The following PCDHB1 variants were observed in gnomAD, a reference collection of about 807,000 sequenced individuals.
PCDHB1 encodes the protein protocadherin beta-1.
Under a neutral mutation model 43.5 loss-of-function variants are expected in PCDHB1, and 44 were observed. The ratio of observed to expected loss-of-function variants is 1.01; its 90% CI spans 0.79 to 1.30. PCDHB1 has a LOEUF of 1.30. PCDHB1 is among the 50% of genes most tolerant of loss of function. The pLI is 0.00. For missense variants in PCDHB1, 919 were observed against 1,008.9 expected, an observed-to-expected ratio of 0.91 and a Z score of 1.21; for synonymous variants, 392 against 400.8, an observed-to-expected ratio of 0.98 and a Z score of 0.26.
rs1554267940 is a variant in PCDHB1, at chr5:141,057,635, A to G, written c.*3708A>G. The stretch of plus-strand genomic sequence containing the variant: ...ACCATCCTTTAAATTTAAAAAATGT[A>G]TCGATTTAATAAAAAATTATTTTGC... On this transcript the variant is annotated 3_prime_UTR_variant, in exon 1 of 1. Transcript: ENST00000306549. 1 of 151,876 alleles carries G rather than the reference A, an allele frequency of 6.6e-6. No homozygotes were observed. The highest frequency in any genetic ancestry group is 2.4e-5 in the African/African-American group (1 of 41,402). 9.4% of individuals were successfully genotyped at this position (151,876 alleles called of 1,614,324 possible).
At position 141,051,845 on chromosome 5, in the gene PCDHB1, T is replaced by C; in HGVS notation, c.375T>C (p.Asp125=). ...QSFRAEVRVF[D]INDNAPVFLN... is the part of the protein sequence containing the mutation. ...TCCGGGCCGAGGTCAGGGTATTTGATATCAATGACAATGCCCCAGTTTTCC... is the reference window on the plus strand; with the variant it reads ...TCCGGGCCGAGGTCAGGGTATTTGACATCAATGACAATGCCCCAGTTTTCC... Residue 125 remains aspartate (D), a synonymous_variant, in exon 1 of 1, where the codon GAT becomes GAC. Transcript: ENST00000306549. 1 of 1,614,166 alleles carries C rather than the reference T, an allele frequency of 6.2e-7. No homozygotes were observed. The highest frequency in any genetic ancestry group is 1.1e-5 in the South Asian group (1 of 91,078).
rs201947645 is a variant in PCDHB1, at chr5:141,051,441, T to C, written c.-30T>C. The stretch of plus-strand genomic sequence containing the variant: ...AAAGTATATCCGCAACAGTTGGCTC[T>C]GATTGCAGAGAGCGCGCTTGTGAGA... On this transcript the variant is annotated 5_prime_UTR_variant, in exon 1 of 1. Coordinates refer to ENST00000306549, the MANE Select transcript of PCDHB1 (RefSeq NM_013340.4). The C allele has an allele frequency of 1.1e-4, 180 of 1,608,978 alleles. No individual in the cohort carries two copies. Among genetic ancestry groups the C allele is most frequent in the Non-Finnish European group, 1.4e-4 (168 of 1,175,948 alleles).
At position 141,053,735 on chromosome 5, in the gene PCDHB1, T is replaced by C. The variant is rs782100367; in HGVS notation, c.2265T>C (p.Tyr755=). 6.2e-7 allele frequency: 1 copy of C among 1,614,234 alleles called. No homozygotes were observed. Among genetic ancestry groups the C allele is most frequent in the Non-Finnish European group, 8.5e-7 (1 of 1,180,026 alleles). Reference sequence around the variant, plus strand: ...GATCCTTATCTCGGCCTTGTCCATATGAAATGTGTTCAGCCACTGGCACTG... The same window carrying C: ...GATCCTTATCTCGGCCTTGTCCATACGAAATGTGTTCAGCCACTGGCACTG... ...GNGSLSRPCP[Y]EMCSATGTGN... The change falls in exon 1 of 1, where the codon TAT becomes TAC. Residue 755 remains tyrosine (Y), a synonymous_variant. Transcript: ENST00000306549.
rs1554267475 is a variant in PCDHB1, at chr5:141,053,517, A to G, written c.2047A>G (p.Lys683Glu). 2 of 1,614,058 alleles carry G rather than the reference A, an allele frequency of 1.2e-6. No individual in the cohort carries two copies. Among genetic ancestry groups the G allele is most frequent in the Non-Finnish European group, 1.7e-6 (2 of 1,180,034 alleles). Reference sequence around the variant, plus strand: ...CCAGGATCCAACCAAGCATTCTAGAAAGGTAAATCCATCCACTAAATATTT... The same window carrying G: ...CCAGGATCCAACCAAGCATTCTAGAGAGGTAAATCCATCCACTAAATATTT... ...QFQDPTKHSR[K>E]VNPSTKYLVI... Residue 683 changes from lysine to glutamate, a missense_variant, in exon 1 of 1, where the codon AAG becomes GAG. Coordinates refer to ENST00000306549, the MANE Select transcript of PCDHB1 (RefSeq NM_013340.4).
Position 141,051,431 on chromosome 5 carries a change from C to G in PCDHB1, c.-40C>G. On this transcript the variant is annotated 5_prime_UTR_variant, in exon 1 of 1. Coordinates refer to ENST00000306549, the MANE Select transcript of PCDHB1 (RefSeq NM_013340.4). ...CAGAAAAGTGAAAGTATATCCGCAA[C>G]AGTTGGCTCTGATTGCAGAGAGCGC... The G allele has an allele frequency of 6.2e-7, 1 of 1,604,070 alleles. No individual in the cohort carries two copies. Among genetic ancestry groups the G allele is most frequent in the South Asian group, 1.1e-5 (1 of 90,254 alleles).
Position 141,052,966 on chromosome 5 carries a change from T to A in PCDHB1, c.1496T>A (p.Leu499His). 6.2e-7 allele frequency: 1 copy of A among 1,614,194 alleles called. No individual in the cohort carries two copies. The highest frequency in any genetic ancestry group is 1.1e-5 in the South Asian group (1 of 91,084). Residue 499 changes from leucine to histidine, a missense_variant, in exon 1 of 1, where the codon CTT becomes CAT. Transcript: ENST00000306549. ...YSLLPPKNGDLSVFAYISINS... is the reference protein window; with the variant it reads ...YSLLPPKNGDHSVFAYISINS... Reference sequence around the variant, plus strand: ...CTGTTGCCTCCAAAAAACGGAGATCTTTCAGTCTTTGCTTACATATCCATA... The same window carrying A: ...CTGTTGCCTCCAAAAAACGGAGATCATTCAGTCTTTGCTTACATATCCATA...
chr5:141,052,091 AG>A lies in PCDHB1; in HGVS notation c.622del (p.Val208SerfsTer3). 1.2e-6 allele frequency: 2 copies of A among 1,614,096 alleles called. No individual in the cohort carries two copies. The highest frequency in any genetic ancestry group is 1.7e-6 in the Non-Finnish European group (2 of 1,180,010). On this transcript the variant is annotated frameshift_variant, in exon 1 of 1. Coordinates refer to ENST00000306549, the MANE Select transcript of PCDHB1 (RefSeq NM_013340.4). LOFTEE classifies it high-confidence loss of function. The part of the protein sequence containing the change: ...KPLDREEQPE[V>X]NLTITAVDGG... ...CCCTGGACCGAGAGGAGCAGCCTGA[AG>A]TCAACTTGACAATTACGGCGGTGGA...
chr5:141,054,151 G>C lies in PCDHB1; in HGVS notation c.*224G>C. 2.2e-6 allele frequency: 1 copy of C among 449,298 alleles called. No individual in the cohort carries two copies. The highest frequency in any genetic ancestry group is 3.9e-6 in the Non-Finnish European group (1 of 254,430). The allele number at this position is 449,298 out of a possible 1,614,324, so 27.8% of individuals were successfully genotyped here. ...TCATATATCTATAACCCTTTCTCCA[G>C]TTGGAATTCTGTTTAAAGAAATGTC... On this transcript the variant is annotated 3_prime_UTR_variant, in exon 1 of 1. Transcript: ENST00000306549.
chr5:141,053,806 C>T lies in PCDHB1; in HGVS notation c.2336C>T (p.Pro779Leu). The change falls in exon 1 of 1, where the codon CCT becomes CTT. Residue 779 changes from proline (P) to leucine (L), a missense_variant. Coordinates refer to ENST00000306549, the MANE Select transcript of PCDHB1 (RefSeq NM_013340.4). ...CTTAAGCGTTTTATGCCCAACTTCC[C>T]TTTCCCTCATGCCACTGGGGAGATA... ...RFLKRFMPNF[P>L]FPHATGEIKM... The T allele has an allele frequency of 6.2e-7, 1 of 1,614,140 alleles. No individual in the cohort carries two copies. Among genetic ancestry groups the T allele is most frequent in the Non-Finnish European group, 8.5e-7 (1 of 1,180,000 alleles).
rs1183978337 is a variant in PCDHB1 at position 141,055,644 on chromosome 5, G to A, written c.*1717G>A. ...GCATTAAGGAAAGACACATTTTCAGGTAGTACTAGATTTGATTGTAAGCCA... is the reference window on the plus strand; with the variant it reads ...GCATTAAGGAAAGACACATTTTCAGATAGTACTAGATTTGATTGTAAGCCA... On this transcript the variant is annotated 3_prime_UTR_variant, in exon 1 of 1. Transcript: ENST00000306549. 6.6e-6 allele frequency: 1 copy of A among 152,118 alleles called. No individual in the cohort carries two copies. The highest frequency in any genetic ancestry group is 1.5e-5 in the Non-Finnish European group (1 of 68,014). 9.4% of individuals were successfully genotyped at this position (152,118 alleles called of 1,614,324 possible). A position where few individuals can be genotyped will look rare whatever the true frequency, so the allele number is the denominator to read the frequency against.
In PCDHB1 at chr5:141,057,866, G is replaced by A. The variant is rs1751166901; in HGVS notation, c.*3939G>A. ...GTCCAGGTCTCTATCAGCAAATTAAGACAAAGAATGGAAATAATTAGGGCA... is the reference window on the plus strand; with the variant it reads ...GTCCAGGTCTCTATCAGCAAATTAAAACAAAGAATGGAAATAATTAGGGCA... On this transcript the variant is annotated 3_prime_UTR_variant, in exon 1 of 1. Coordinates refer to ENST00000306549, the MANE Select transcript of PCDHB1 (RefSeq NM_013340.4). 6.6e-6 allele frequency: 1 copy of A among 152,098 alleles called. No homozygotes were observed. Among genetic ancestry groups the A allele is most frequent in the South Asian group, 2.1e-4 (1 of 4,832 alleles). The allele number at this position is 152,098 out of a possible 1,614,324, so 9.4% of individuals were successfully genotyped here.
rs1751078754 is a variant in PCDHB1 at position 141,054,445 on chromosome 5, G to C, written c.*518G>C. 6.5e-6 allele frequency: 1 copy of C among 152,768 alleles called. No individual in the cohort carries two copies. The highest frequency in any genetic ancestry group is 1.5e-5 in the Non-Finnish European group (1 of 68,554). The allele number at this position is 152,768 out of a possible 1,614,324, so 9.5% of individuals were successfully genotyped here. On this transcript the variant is annotated 3_prime_UTR_variant, in exon 1 of 1. Transcript: ENST00000306549. ...AGCAGAGATATAGTTTATTATTCAG[G>C]AATCTCTAAATTCTTGTCCCTGATG...
rs1247924271 is a variant in PCDHB1, at chr5:141,056,302, A to C, written c.*2375A>C. The C allele has an allele frequency of 4.6e-5, 7 of 152,196 alleles. No homozygotes were observed. Among genetic ancestry groups the C allele is most frequent in the Admixed American group, 4.6e-4 (7 of 15,282 alleles). The allele number at this position is 152,196 out of a possible 1,614,324, so 9.4% of individuals were successfully genotyped here. A position where few individuals can be genotyped will look rare whatever the true frequency, so the allele number is the denominator to read the frequency against. On this transcript the variant is annotated 3_prime_UTR_variant, in exon 1 of 1. Coordinates refer to ENST00000306549, the MANE Select transcript of PCDHB1 (RefSeq NM_013340.4). ...CTGTTTACCTGTTGGCCAGGAATAC[A>C]CTAAAATTTAGTGCTGTTATTTTTT...
At position 141,057,540 on chromosome 5, in the gene PCDHB1, C is replaced by CAAAAAAAAAAAAAAAAAGAAA. The variant is rs1751157977; in HGVS notation, c.*3630_*3631insGAAAAAAAAAAAAAAAAAAAA. 1 of 72,356 alleles carries CAAAAAAAAAAAAAAAAAGAAA rather than the reference C, an allele frequency of 1.4e-5. No homozygotes were observed. Among genetic ancestry groups the CAAAAAAAAAAAAAAAAAGAAA allele is most frequent in the African/African-American group, 5.1e-5 (1 of 19,556 alleles). The allele number at this position is 72,356 out of a possible 1,614,324, so 4.5% of individuals were successfully genotyped here. On this transcript the variant is annotated 3_prime_UTR_variant, in exon 1 of 1. Coordinates refer to ENST00000306549, the MANE Select transcript of PCDHB1 (RefSeq NM_013340.4). ...CTGGCGACAAAGCAAGACTCTGTCT[C>CAAAAAAAAAAAAAAAAAGAAA]AAAAAAAAAAAAAAAAAAGAAAAAA... is the stretch of plus-strand genomic sequence containing the variant.
Position 141,052,114 on chromosome 5 carries a change from T to C in PCDHB1, c.644T>C (p.Val215Ala), listed in dbSNP as rs782116875. 1.2e-6 allele frequency: 2 copies of C among 1,611,156 alleles called. No individual in the cohort carries two copies. Among genetic ancestry groups the C allele is most frequent in the South Asian group, 1.1e-5 (1 of 90,948 alleles). The change falls in exon 1 of 1, where the codon GTG becomes GCG. Residue 215 changes from valine to alanine, a missense_variant. Physicochemically the swap from Val to Ala is moderately conservative, Grantham distance 64. Transcript: ENST00000306549. ...QPEVNLTITA[V>A]DGGSPPKSGT... Reference sequence around the variant, plus strand: ...GAAGTCAACTTGACAATTACGGCGGTGGACGGCGGGTCCCCGCCTAAGTCT... The same window carrying C: ...GAAGTCAACTTGACAATTACGGCGGCGGACGGCGGGTCCCCGCCTAAGTCT...
Position 141,054,193 on chromosome 5 carries a change from T to C in PCDHB1, c.*266T>C, listed in dbSNP as rs1317417716. On this transcript the variant is annotated 3_prime_UTR_variant, in exon 1 of 1. Coordinates refer to ENST00000306549, the MANE Select transcript of PCDHB1 (RefSeq NM_013340.4). ...AGAAATGTCACCCTCTATAAATGCA[T>C]ATGTGGTAGGAACTTCTGCTTTTCC... is the stretch of plus-strand genomic sequence containing the variant. 6 of 360,104 alleles carry C rather than the reference T, an allele frequency of 1.7e-5. No individual in the cohort carries two copies. Among genetic ancestry groups the C allele is most frequent in the Non-Finnish European group, 3.0e-5 (6 of 198,850 alleles). The allele number at this position is 360,104 out of a possible 1,614,324, so 22.3% of individuals were successfully genotyped here.
In PCDHB1 at chr5:141,056,554, C is replaced by T. The variant is rs1480886483; in HGVS notation, c.*2627C>T. Reference sequence around the variant, plus strand: ...GTATTTGTGTTCCAATTGGTGAAGGCATGCTGAAATTTCTATTTCCTTTAA... The same window carrying T: ...GTATTTGTGTTCCAATTGGTGAAGGTATGCTGAAATTTCTATTTCCTTTAA... On this transcript the variant is annotated 3_prime_UTR_variant, in exon 1 of 1. Coordinates refer to ENST00000306549, the MANE Select transcript of PCDHB1 (RefSeq NM_013340.4). The T allele has an allele frequency of 6.6e-6, 1 of 152,092 alleles. No individual in the cohort carries two copies. Among genetic ancestry groups the T allele is most frequent in the Non-Finnish European group, 1.5e-5 (1 of 68,002 alleles). 9.4% of individuals were successfully genotyped at this position (152,092 alleles called of 1,614,324 possible).
rs1751083176 is a variant in PCDHB1 at position 141,054,626 on chromosome 5, C to G, written c.*699C>G. ...ATTTGCAAATGTGAATAAGGGCAGA[C>G]ATAAGGATAAAGAGATTCAGTTTAG... On this transcript the variant is annotated 3_prime_UTR_variant, in exon 1 of 1. Transcript: ENST00000306549. 1 of 145,038 alleles carries G rather than the reference C, an allele frequency of 6.9e-6. No homozygotes were observed. The highest frequency in any genetic ancestry group is 1.5e-5 in the Non-Finnish European group (1 of 66,912). The allele number at this position is 145,038 out of a possible 1,614,324, so 9.0% of individuals were successfully genotyped here. A position where few individuals can be genotyped will look rare whatever the true frequency, so the allele number is the denominator to read the frequency against.
rs1423798605 is a variant in PCDHB1, at chr5:141,055,774, C to T, written c.*1847C>T. The T allele has an allele frequency of 6.6e-6, 1 of 152,204 alleles. No individual in the cohort carries two copies. The highest frequency in any genetic ancestry group is 1.5e-5 in the Non-Finnish European group (1 of 68,024). 9.4% of individuals were successfully genotyped at this position (152,204 alleles called of 1,614,324 possible). A position where few individuals can be genotyped will look rare whatever the true frequency, so the allele number is the denominator to read the frequency against. ...AAATGGAGTGGGGAGACAACTTAAG[C>T]TTCTCTTTGATCACCACTGTTTGAT... is the stretch of plus-strand genomic sequence containing the variant. On this transcript the variant is annotated 3_prime_UTR_variant, in exon 1 of 1. Coordinates refer to ENST00000306549, the MANE Select transcript of PCDHB1 (RefSeq NM_013340.4).
Sources: gnomAD v4.1 joint callset for allele counts on GRCh38, gnomAD v4.1.1 for gene constraint, MANE v1.5 for transcripts, NCBI Gene and HGNC (gene_info 2026-07-23, HGNC 2026-07-21) for gene names.